EPHA6: variants seen among roughly 807,000 people sequenced by gnomAD.
EPHA6 encodes ephrin type-A receptor 6.
Under a neutral mutation model 112.0 loss-of-function variants are expected in EPHA6, and 50 were observed. The ratio of observed to expected loss-of-function variants is 0.45; its 90% CI spans 0.36 to 0.56. EPHA6 has a LOEUF of 0.56. Ranked by LOEUF, EPHA6 falls within the 20% of genes least tolerant of loss-of-function variation. EPHA6 has a pLI of 0.00. For missense variants in EPHA6, 1,280 were observed against 1,417.4 expected (o/e 0.90, Z 1.56); for synonymous variants, 529 against 490.7 (o/e 1.08, Z -1.03).
chr3:97,419,751 G>A (rs1034528870), intron 6 of EPHA6, among the ~76,000 whole-genome samples: 1 of 152,000 alleles, frequency 6.6e-6, no homozygotes, highest in African/African-American at 2.4e-5. Context: ...AGACAAAATA[G>A]AGAAAATCAA....
chr3:97,555,233 A>T (rs1020841889), intron 11 of EPHA6, among the ~76,000 whole-genome samples: 23 of 152,086 alleles, frequency 1.5e-4, no homozygotes, highest in African/African-American at 5.3e-4. Flanking sequence ...TTCCAATTTC[A>T]TCCATGTCCC....
chr3:96,848,413 G>A (rs1195760028), intron 1 of EPHA6, among the ~76,000 whole-genome samples: 2 of 151,940 alleles, frequency 1.3e-5, no homozygotes, highest in African/African-American at 4.8e-5. Flanking sequence ...GATCACTTGA[G>A]GTCAGGAGTT....
intron 15 of EPHA6, among the ~76,000 whole-genome samples, chr3:97,733,704 G>C (rs2035135439): frequency 6.6e-6 from 1 of 152,018 alleles, no homozygotes; most frequent in African/African-American, 2.4e-5. Context: ...ACATGCACAA[G>C]ACTCAGAGGC....
intron 5 of EPHA6, among the ~76,000 whole-genome samples, chr3:97,265,868 G>A (rs746894136): frequency 1.2e-4 from 18 of 152,180 alleles, no homozygotes; most frequent in Non-Finnish European, 2.5e-4. Flanking sequence ...TAGACAATAC[G>A]TAAATGAGTA....
intron 14 of EPHA6, among the ~76,000 whole-genome samples, chr3:97,710,054 C>T (rs1250865262): frequency 2.0e-5 from 3 of 152,178 alleles, no homozygotes; most frequent in African/African-American, 7.2e-5. Flanking sequence ...CGAAAGTCTA[C>T]CTTTAAAATA....
intron 6 of EPHA6, among the ~76,000 whole-genome samples, chr3:97,431,043 T>A (rs1208723206): frequency 6.6e-6 from 1 of 152,124 alleles, no homozygotes; most frequent in African/African-American, 2.4e-5. Flanking sequence ...AATGGAAAAT[T>A]ATGAAATAAT....
At chr3:97,664,672 C>A (rs990905670) in intron 14 of EPHA6, among the ~76,000 whole-genome samples, 3 of 152,006 alleles carry the variant, frequency 2.0e-5, no homozygotes, top group Non-Finnish European at 4.4e-5. Context: ...TCTTATACAC[C>A]AATAACAGAT....
At chr3:97,568,962 G>T (rs2093302476) in intron 11 of EPHA6, among the ~76,000 whole-genome samples, 1 of 152,196 alleles carries the variant, frequency 6.6e-6, no homozygotes, top group Non-Finnish European at 1.5e-5. Context: ...TGATAGGATT[G>T]TTGCTGAAGA....
chr3:97,308,240 C>T (rs1329323593), intron 5 of EPHA6, among the ~76,000 whole-genome samples: 1 of 151,770 alleles, frequency 6.6e-6, no homozygotes, highest in South Asian at 2.1e-4. Flanking sequence ...GCTATAATCC[C>T]ATTTTCCATT....
intron 2 of EPHA6, among the ~76,000 whole-genome samples, chr3:96,892,954 ATGTGTG>A (rs144428670): frequency 1.1e-4 from 14 of 132,420 alleles, no homozygotes; most frequent in East Asian, 5.8e-4. Context: ...ATATATATAT[ATGTGTG>A]TGTGTGTGTG....
chr3:97,295,530 G>A (rs896575753), intron 5 of EPHA6, among the ~76,000 whole-genome samples: 2 of 147,418 alleles, frequency 1.4e-5, no homozygotes, highest in African/African-American at 5.0e-5. Context: ...ATGTCACTGA[G>A]GTTTCTTAAA....
chr3:97,545,172 G>A (rs1249979923), intron 11 of EPHA6, among the ~76,000 whole-genome samples: 2 of 152,018 alleles, frequency 1.3e-5, no homozygotes, highest in African/African-American at 2.4e-5. Flanking sequence ...GTCAATTTTA[G>A]ATCTTTCCTG....
chr3:96,906,986 G>T (rs1299130454), intron 2 of EPHA6, among the ~76,000 whole-genome samples: 2 of 151,742 alleles, frequency 1.3e-5, no homozygotes, highest in East Asian at 1.9e-4. Flanking sequence ...ATGGAATGGG[G>T]TTCTAAGGAG....
At chr3:97,083,071 A>G (rs950094260) in intron 3 of EPHA6, among the ~76,000 whole-genome samples, 6 of 151,944 alleles carry the variant, frequency 3.9e-5, no homozygotes, top group Admixed American at 6.6e-5. Flanking sequence ...CATGAGAGCA[A>G]ATTATGTAAC....
At chr3:97,652,261 T>C (rs1156807573) in intron 14 of EPHA6, among the ~76,000 whole-genome samples, 1 of 152,070 alleles carries the variant, frequency 6.6e-6, no homozygotes, top group African/African-American at 2.4e-5. Flanking sequence ...ATGAAATCTT[T>C]ATGGGAAAGC....
intron 1 of EPHA6, among the ~76,000 whole-genome samples, chr3:96,848,669 A>T (rs2035218482): frequency 6.6e-6 from 1 of 152,106 alleles, no homozygotes; most frequent in Non-Finnish European, 1.5e-5. Context: ...TTATTTGAAA[A>T]TTTGATTATA....
intron 3 of EPHA6, among the ~76,000 whole-genome samples, chr3:96,997,746 G>A (rs1191022560): frequency 6.6e-6 from 1 of 151,948 alleles, no homozygotes; most frequent in East Asian, 1.9e-4. Flanking sequence ...ATGTAATAAG[G>A]ATGTAAAAGT....
At chr3:97,140,634 G>A (rs1441434986) in intron 3 of EPHA6, among the ~76,000 whole-genome samples, 1 of 152,102 alleles carries the variant, frequency 6.6e-6, no homozygotes, top group South Asian at 2.1e-4. Flanking sequence ...CAAATGCTAA[G>A]GGAATTTGTC....
At chr3:97,648,380 A>G in intron 14 of EPHA6, 1 of 1,520,226 alleles carries the variant, frequency 6.6e-7, no homozygotes. Flanking sequence ...CATAGCCTAC[A>G]CCCAACTGGA....
Sources: gnomAD v4.1 joint callset for allele counts (sites outside exome capture counted in the v4.1 genomes callset) on GRCh38, gnomAD v4.1.1 for gene constraint, MANE v1.5 for transcripts, NCBI Gene and HGNC (gene_info 2026-07-23, HGNC 2026-07-21) for gene names.